Variants in NSUN6 observed in about 807,000 individuals in gnomAD.
The protein encoded by NSUN6 is NOP2/Sun RNA methyltransferase 6.
A neutral mutation model predicts 58.0 loss-of-function variants in NSUN6; 64 were observed. That is an observed-to-expected ratio of 1.10 (90% CI 0.90 to 1.36). NSUN6 has a LOEUF of 1.36. Among genes scored for constraint, NSUN6 ranks in the 40% most tolerant of loss-of-function variants. The pLI, the probability that NSUN6 is intolerant of heterozygous loss-of-function variation, is 0.00. For synonymous variants in NSUN6, 231 were observed against 193.9 expected (o/e 1.19, Z -1.59); for missense variants, 701 against 550.1 (o/e 1.27, Z -2.74).
Position 18,651,383 on chromosome 10 carries a change from T to C in NSUN6, c.-180A>G, listed in dbSNP as rs2059701440. On this transcript the variant is annotated 5_prime_UTR_variant, in exon 1 of 11. An upstream open reading frame in the 5' UTR loses its in-frame stop. Coordinates refer to ENST00000377304, the MANE Select transcript of NSUN6 (RefSeq NM_182543.5). ...TACACGCTTTCTCAAGCCTAGCCGA[T>C]TAGAAGGGGCTGCCGGGCTTCCACC... 7.6e-7 allele frequency: 1 copy of C among 1,308,504 alleles called. No homozygotes were observed. Among genetic ancestry groups the C allele is most frequent in the African/African-American group, 1.5e-5 (1 of 65,152 alleles). The allele number at this position is 1,308,504 out of a possible 1,614,324, so 81.1% of individuals were successfully genotyped here.
chr10:18,559,652 T>G (rs1181478846), intron 8 of NSUN6, among the ~76,000 whole-genome samples: 1 of 148,580 alleles, frequency 6.7e-6, no homozygotes, highest in Non-Finnish European at 1.5e-5. Flanking sequence ...TTAAGAATCT[T>G]ACGGAGACGG....
intron 6 of NSUN6, among the ~76,000 whole-genome samples, chr10:18,603,047 C>T (rs1220841341): frequency 6.6e-6 from 1 of 152,120 alleles, no homozygotes; most frequent in South Asian, 2.1e-4. Context: ...AATCTCAACA[C>T]TTTGGGAAGC....
chr10:18,589,831 T>A (rs558954031), intron 7 of NSUN6, among the ~76,000 whole-genome samples: 1 of 152,070 alleles, frequency 6.6e-6, no homozygotes. Flanking sequence ...CCAACGACAC[T>A]ATGAAGAAAC....
chr10:18,583,912 C>T (rs1385812766), intron 8 of NSUN6, among the ~76,000 whole-genome samples: 1 of 152,102 alleles, frequency 6.6e-6, no homozygotes, highest in African/African-American at 2.4e-5. Context: ...TTCCCTATTC[C>T]CCGTTTGTTT....
At position 18,627,323 on chromosome 10, in the gene NSUN6, T is replaced by C. The variant is rs555407171; in HGVS notation, c.312-11030A>G. 5.9e-5 allele frequency among the ~76,000 whole-genome samples: 9 copies of C among 152,338 alleles called. No homozygotes were observed. In the East Asian group the frequency reaches 1.3e-3, roughly 23 times the overall value. ...ATTTGTATTTTAAATAACTGTGATA[T>C]CGAGCTTTTAGTAAAAAATCAGAGG... On this transcript the variant is annotated intron_variant, in intron 3 of 10. Transcript: ENST00000377304.
chr10:18,593,430 T>G (rs1371321160), intron 7 of NSUN6, among the ~76,000 whole-genome samples: 1 of 152,066 alleles, frequency 6.6e-6, no homozygotes, highest in African/African-American at 2.4e-5. Flanking sequence ...CAGCACTATT[T>G]ACAATAGCAA....
At chr10:18,586,950 T>C (rs753757631) in intron 7 of NSUN6, among the ~76,000 whole-genome samples, 3 of 152,220 alleles carry the variant, frequency 2.0e-5, no homozygotes, top group Non-Finnish European at 2.9e-5. Context: ...TACAATCCTC[T>C]AGCTCGACAG....
At chr10:18,596,155 A>G in intron 7 of NSUN6, 53 bp downstream of exon 7, 1 of 1,480,486 alleles carries the variant, frequency 6.8e-7, no homozygotes, top group South Asian at 1.2e-5. Context: ...GAAATTACAC[A>G]TTGTGAAATA....
intron 2 of NSUN6, among the ~76,000 whole-genome samples, chr10:18,644,136 G>C: frequency 6.6e-6 from 1 of 152,130 alleles, no homozygotes; most frequent in East Asian, 1.9e-4. Context: ...ATCCCACAAA[G>C]ATCCTTCACG....
At chr10:18,600,941 A>AAT (rs1170475510) in intron 6 of NSUN6, among the ~76,000 whole-genome samples, 543 of 43,490 alleles carry the variant, frequency 0.012, 19 homozygotes, top group African/African-American at 0.03. Flanking sequence ...AAAAAAAAAA[A>AAT]ATATATATAT....
intron 8 of NSUN6, among the ~76,000 whole-genome samples, chr10:18,567,013 C>CTCCATTCCATTCTCCAT (rs2056007369): frequency 1.3e-5 from 2 of 149,164 alleles, no homozygotes; most frequent in Admixed American, 6.7e-5. Context: ...CCATTCTACT[C>CTCCATTCCATTCTCCAT]TCCATTCCAT....
At chr10:18,587,543 G>A (rs2057207887) in intron 7 of NSUN6, among the ~76,000 whole-genome samples, 2 of 152,172 alleles carry the variant, frequency 1.3e-5, no homozygotes, top group African/African-American at 4.8e-5. Context: ...CTCCCAGCGA[G>A]ACCAATGCAG....
intron 8 of NSUN6, among the ~76,000 whole-genome samples, chr10:18,562,801 G>GAAAGGAATGGAGTGGAA (rs1249018074): frequency 1.3e-5 from 2 of 150,160 alleles, no homozygotes; most frequent in African/African-American, 4.9e-5. Context: ...ATGGAGTGGA[G>GAAAGGAATGGAGTGGAA]AATGGAATGA....
intron 6 of NSUN6, among the ~76,000 whole-genome samples, chr10:18,600,097 C>T (rs959065601): frequency 3.3e-5 from 5 of 152,128 alleles, no homozygotes; most frequent in South Asian, 2.1e-4. Context: ...CCTCACAATA[C>T]ACCCCACTTA....
upstream of NSUN6, chr10:18,654,901 A>C: frequency 1.1e-5 from 2 of 189,376 alleles, no homozygotes; most frequent in Non-Finnish European, 2.0e-5. Flanking sequence ...AAAATTAAAA[A>C]GTCTGGAAAG....
At chr10:18,577,096 G>A (rs1013127772) in intron 8 of NSUN6, among the ~76,000 whole-genome samples, 2 of 152,148 alleles carry the variant, frequency 1.3e-5, no homozygotes, top group Non-Finnish European at 2.9e-5. Flanking sequence ...AACCAACGGC[G>A]ATTTATTAAC....
rs183022604 is a variant in NSUN6, at chr10:18,646,592, C to T, written c.231+1898G>A. 1.7e-3 allele frequency among the ~76,000 whole-genome samples: 266 copies of T among 152,308 alleles called. 2 individuals are homozygous for T. Among genetic ancestry groups the T allele is most frequent in the Non-Finnish European group, 3.2e-3 (216 of 68,024 alleles). On this transcript the variant is annotated intron_variant, in intron 2 of 10. Transcript: ENST00000377304. ...AGGCACAAGGCCTCACGCCTGTAAT[C>T]CCAGCAGTTTGGGAGGCCAAGGTGG...
intron 8 of NSUN6, among the ~76,000 whole-genome samples, chr10:18,565,914 C>T (rs2055895159): frequency 6.7e-6 from 1 of 149,924 alleles, no homozygotes; most frequent in Admixed American, 6.7e-5. Context: ...GTTCTCCATT[C>T]TGCATTCCAT....
chr10:18,573,933 G>A (rs1275395211), intron 8 of NSUN6, among the ~76,000 whole-genome samples: 1 of 152,034 alleles, frequency 6.6e-6, no homozygotes, highest in South Asian at 2.1e-4. Context: ...CTGTTATATC[G>A]AAAATTTGCC....
Sources: allele counts gnomAD v4.1 joint callset (sites outside exome capture counted in the v4.1 genomes callset), GRCh38; gene constraint gnomAD v4.1.1; transcripts MANE v1.5; gene names NCBI Gene and HGNC (gene_info 2026-07-23, HGNC 2026-07-21).